The following GRK3 variants were observed in gnomAD, a reference collection of about 807,000 sequenced individuals.
GRK3 encodes the protein adrenergic, beta, receptor kinase 2.
GRK3 carries 54 observed loss-of-function variants against 95.7 expected under a neutral mutation model. The ratio of observed to expected loss-of-function variants is 0.56; its 90% CI spans 0.45 to 0.71. The LOEUF (loss-of-function observed/expected upper bound fraction) is 0.71, where lower values mean the gene tolerates loss of function less well. Among genes scored for constraint, GRK3 ranks in the 30% least tolerant of loss-of-function variants. The pLI is 0.00. For synonymous variants in GRK3, 281 were observed against 290.8 expected, an observed-to-expected ratio of 0.97 and a Z score of 0.34; for missense variants, 649 against 851.2, an observed-to-expected ratio of 0.76 and a Z score of 2.96.
intron 1 of GRK3, among the ~76,000 whole-genome samples, chr22:25,583,440 A>G (rs1932178451): frequency 6.7e-6 from 1 of 149,942 alleles, no homozygotes; most frequent in Non-Finnish European, 1.5e-5. Context: ...GGACTTACAC[A>G]GTCCTTCCCC....
intron 3 of GRK3, among the ~76,000 whole-genome samples, chr22:25,660,603 A>G (rs568257691): frequency 2.6e-5 from 4 of 152,290 alleles, no homozygotes; most frequent in African/African-American, 9.6e-5. Context: ...TAGGAGTCTA[A>G]TAAATAGGAT....
chr22:25,723,756 A>G lies in GRK3; in HGVS notation c.*1306A>G, dbSNP rs1568944587. The G allele has an allele frequency of 6.6e-6, 1 of 152,196 alleles. No homozygotes were observed. Among genetic ancestry groups the G allele is most frequent in the Admixed American group, 6.5e-5 (1 of 15,276 alleles). The allele number at this position is 152,196 out of a possible 1,614,324, so 9.4% of individuals were successfully genotyped here. Reference sequence around the variant, plus strand: ...TTTAGTGTATGTCTTTACATTAACTACTAACAGTATAAATAACTTGACATC... The same window carrying G: ...TTTAGTGTATGTCTTTACATTAACTGCTAACAGTATAAATAACTTGACATC... On this transcript the variant is annotated 3_prime_UTR_variant, in exon 21 of 21. Transcript: ENST00000324198.
intron 1 of GRK3, among the ~76,000 whole-genome samples, chr22:25,586,072 T>A (rs889276984): frequency 1.6e-4 from 24 of 152,372 alleles, no homozygotes; most frequent in African/African-American, 5.5e-4. Context: ...TTAGCAAATA[T>A]TAACTGACAT....
At chr22:25,699,978 G>C (rs1167950068) in intron 13 of GRK3, among the ~76,000 whole-genome samples, 1 of 152,174 alleles carries the variant, frequency 6.6e-6, no homozygotes, top group African/African-American at 2.4e-5. Context: ...GATTACAGGC[G>C]TGAGCCCCCG....
At chr22:25,699,923 C>G (rs959945152) in intron 13 of GRK3, among the ~76,000 whole-genome samples, 37 of 152,174 alleles carry the variant, frequency 2.4e-4, no homozygotes, top group African/African-American at 8.9e-4. Context: ...TGGTCCCGAT[C>G]TCCTGATCCC....
In GRK3 at chr22:25,627,418, A is replaced by G. The variant is rs557609628; in HGVS notation, c.191-17174A>G. On this transcript the variant is annotated intron_variant, in intron 2 of 20. Coordinates refer to ENST00000324198, the MANE Select transcript of GRK3 (RefSeq NM_005160.4). Reference sequence around the variant, plus strand: ...TACCTTCCACCTTTTCCCTGTAGGAACTTGCTCTGCCTAAATTGAAGTCAC... The same window carrying G: ...TACCTTCCACCTTTTCCCTGTAGGAGCTTGCTCTGCCTAAATTGAAGTCAC... 3.9e-5 allele frequency among the ~76,000 whole-genome samples: 6 copies of G among 151,970 alleles called. No homozygotes were observed. In the South Asian group the frequency reaches 1.2e-3, roughly 32 times the overall value.
At chr22:25,577,139 C>T (rs1931928760) in intron 1 of GRK3, among the ~76,000 whole-genome samples, 2 of 151,958 alleles carry the variant, frequency 1.3e-5, no homozygotes, top group African/African-American at 4.8e-5. Flanking sequence ...GTATCCTTGA[C>T]TTGAACACGT....
chr22:25,612,426 T>C (rs1257093348), intron 2 of GRK3, among the ~76,000 whole-genome samples: 4 of 152,172 alleles, frequency 2.6e-5, no homozygotes, highest in Non-Finnish European at 5.9e-5. Flanking sequence ...TACATGGAAA[T>C]AGAATGAGTT....
At chr22:25,639,387 C>A (rs1160123004) in intron 2 of GRK3, among the ~76,000 whole-genome samples, 1 of 152,132 alleles carries the variant, frequency 6.6e-6, no homozygotes, top group Non-Finnish European at 1.5e-5. Flanking sequence ...CAATTCCTTT[C>A]ATCTTTTTCC....
chr22:25,695,302 T>A, intron 13 of GRK3, 88 bp downstream of exon 13: 2 of 877,900 alleles, frequency 2.3e-6, no homozygotes, highest in Non-Finnish European at 3.7e-6. Context: ...GACTAGACGC[T>A]AATGTTATTT....
chr22:25,584,922 C>T (rs1444439737), intron 1 of GRK3, among the ~76,000 whole-genome samples: 1 of 152,284 alleles, frequency 6.6e-6, no homozygotes, highest in African/African-American at 2.4e-5. Context: ...GAGATGGCCC[C>T]CACGTCCAGG....
At chr22:25,567,673 G>A (rs1262279136) in intron 1 of GRK3, among the ~76,000 whole-genome samples, 3 of 152,164 alleles carry the variant, frequency 2.0e-5, no homozygotes, top group East Asian at 3.8e-4. Flanking sequence ...TGTATTTTTG[G>A]TATCTGAATG....
At chr22:25,570,475 G>A (rs1931656039) in intron 1 of GRK3, among the ~76,000 whole-genome samples, 2 of 152,120 alleles carry the variant, frequency 1.3e-5, no homozygotes, top group African/African-American at 4.8e-5. Context: ...CAATATTTTT[G>A]GCTTTATTTG....
At chr22:25,618,722 A>ATT (rs5844650) in intron 2 of GRK3, among the ~76,000 whole-genome samples, 6 of 136,238 alleles carry the variant, frequency 4.4e-5, no homozygotes, top group East Asian at 4.3e-4. Context: ...GTACCTCTTC[A>ATT]TTTTTTTTTT....
chr22:25,685,214 A>C lies in GRK3; in HGVS notation c.792A>C (p.Pro264=), dbSNP rs759703611. The C allele has an allele frequency of 6.2e-6, 10 of 1,613,558 alleles. No homozygotes were observed. The African/African-American group carries it at 1.3e-4, about 22-fold the overall frequency. Residue 264 remains proline, a synonymous_variant, in exon 10 of 21, where the codon CCA becomes CCC. Coordinates refer to ENST00000324198, the MANE Select transcript of GRK3 (RefSeq NM_005160.4). The part of the protein sequence containing the change: ...IVCMTYAFHT[P]DKLCFILDLM... ...GTATGACCTATGCCTTCCATACCCCAGATAAACTCTGCTTCATCCTGGATC... is the reference window on the plus strand; with the variant it reads ...GTATGACCTATGCCTTCCATACCCCCGATAAACTCTGCTTCATCCTGGATC...
At chr22:25,643,940 G>A (rs2084761332) in intron 2 of GRK3, among the ~76,000 whole-genome samples, 1 of 152,200 alleles carries the variant, frequency 6.6e-6, no homozygotes, top group Admixed American at 6.5e-5. Flanking sequence ...AGTTTTCAAG[G>A]TACAGAGAGG....
In GRK3 at chr22:25,600,746, C is replaced by T. The variant is rs185011636; in HGVS notation, c.114-3631C>T. ...ATAGAACTCATGGCTTGTATACCAA[C>T]GGATGACTATCTGTTGTAAACTGGA... On this transcript the variant is annotated intron_variant, in intron 1 of 20. Coordinates refer to ENST00000324198, the MANE Select transcript of GRK3 (RefSeq NM_005160.4). 8.4e-3 allele frequency among the ~76,000 whole-genome samples: 1,270 copies of T among 150,464 alleles called. 24 individuals are homozygous for T. The highest frequency in any genetic ancestry group is 0.03 in the African/African-American group (1,217 of 39,970).
Position 25,614,621 on chromosome 22 carries a change from T to TG in GRK3, c.190+10170dup, listed in dbSNP as rs748463887. The stretch of plus-strand genomic sequence containing the variant: ...TGATCAAGCTTGCACAACTCCCAGG[T>TG]GGCAGAGCCAGAGTTGGAAGTCATG... On this transcript the variant is annotated intron_variant, in intron 2 of 20. Coordinates refer to ENST00000324198, the MANE Select transcript of GRK3 (RefSeq NM_005160.4). Among the ~76,000 whole-genome samples, 13 of 152,320 alleles carry TG rather than the reference T, an allele frequency of 8.5e-5. No homozygotes were observed. The East Asian group carries it at 1.9e-3, about 23-fold the overall frequency.
In GRK3 at chr22:25,687,538, G is replaced by A; in HGVS notation, c.828G>A (p.Gly276=). Reference sequence around the variant, plus strand: ...ATTAAATTCTGAATCTGATTCCAGGGGGCGATTTGCACTACCACCTTTCAC... The same window carrying A: ...ATTAAATTCTGAATCTGATTCCAGGAGGCGATTTGCACTACCACCTTTCAC... ...KLCFILDLMN[G]GDLHYHLSQH... is the part of the protein sequence containing the mutation. Residue 276 remains glycine, a splice_region_variant and synonymous_variant, in exon 11 of 21, where the codon GGG becomes GGA. Transcript: ENST00000324198. 6.2e-7 allele frequency: 1 copy of A among 1,612,710 alleles called. No homozygotes were observed.
Sources: gnomAD v4.1 joint callset for allele counts (sites outside exome capture counted in the v4.1 genomes callset) on GRCh38, gnomAD v4.1.1 for gene constraint, MANE v1.5 for transcripts, NCBI Gene and HGNC (gene_info 2026-07-23, HGNC 2026-07-21) for gene names.